The following FGF12 variants were observed in gnomAD, a reference collection of about 807,000 sequenced individuals.
FGF12 encodes the protein fibroblast growth factor 12B.
FGF12 carries 14 observed loss-of-function variants against 23.6 expected under a neutral mutation model. That is an observed-to-expected ratio of 0.59 (90% CI 0.39 to 0.93). The LOEUF (loss-of-function observed/expected upper bound fraction) is 0.93. FGF12 is among the 40% of genes least tolerant of loss of function. The pLI, the probability that FGF12 is intolerant of heterozygous loss-of-function variation, is 0.00. For synonymous variants in FGF12, 62 were observed against 77.3 expected (o/e 0.80, Z 1.04); for missense variants, 175 against 217.8 (o/e 0.80, Z 1.24).
chr3:192,452,680 T>C (rs369627649), intron 2 of FGF12, among the ~76,000 whole-genome samples: 7 of 152,214 alleles, frequency 4.6e-5, no homozygotes, highest in African/African-American at 1.7e-4. Context: ...TCTGGAGTTG[T>C]TCAGTGCACA....
intron 2 of FGF12, among the ~76,000 whole-genome samples, chr3:192,708,878 G>T (rs1371291845): frequency 6.6e-6 from 1 of 152,138 alleles, no homozygotes; most frequent in Non-Finnish European, 1.5e-5. Flanking sequence ...AATGAGTAAT[G>T]TAATTATTGT....
At chr3:192,685,053 T>C (rs534095576) in intron 2 of FGF12, among the ~76,000 whole-genome samples, 42 of 152,246 alleles carry the variant, frequency 2.8e-4, no homozygotes, top group African/African-American at 9.4e-4. Flanking sequence ...ATTACAAAGT[T>C]AGTATCTTTT....
In FGF12 at chr3:192,545,765, T is replaced by C. The variant is rs73058522; in HGVS notation, c.13+181416A>G. 9.7e-3 allele frequency among the ~76,000 whole-genome samples: 1,479 copies of C among 152,318 alleles called. 17 individuals are homozygous for C. The highest frequency in any genetic ancestry group is 0.028 in the African/African-American group (1,179 of 41,562). On this transcript the variant is annotated intron_variant, in intron 2 of 5. Coordinates refer to ENST00000445105, the MANE Select transcript of FGF12 (RefSeq NM_004113.6). ...ACTCAATATTAAAAAATATTCTCTT[T>C]CTCAAATCCATCCACAGTTGGAATT...
intron 2 of FGF12, among the ~76,000 whole-genome samples, chr3:192,449,270 T>C (rs1722451582): frequency 6.6e-6 from 1 of 152,110 alleles, no homozygotes; most frequent in South Asian, 2.1e-4. Flanking sequence ...CTGCTTCCAG[T>C]TTACTTCTAT....
At position 192,457,357 on chromosome 3, in the gene FGF12, A is replaced by G. The variant is rs149773453; in HGVS notation, c.14-96819T>C. On this transcript the variant is annotated intron_variant, in intron 2 of 5. Transcript: ENST00000445105. ...GTAGGGTTCAGAAGAAGACAGGAAA[A>G]TGTGGAAAAGTTTGGAACCTCCTAG... Among the ~76,000 whole-genome samples, 1,070 of 152,308 alleles carry G rather than the reference A, an allele frequency of 7.0e-3. 11 individuals carry two copies. The highest frequency in any genetic ancestry group is 0.025 in the African/African-American group (1,044 of 41,572).
intron 2 of FGF12, among the ~76,000 whole-genome samples, chr3:192,533,315 G>A (rs996241130): frequency 1.3e-5 from 2 of 152,126 alleles, no homozygotes; most frequent in African/African-American, 4.8e-5. Context: ...AGCTGGGGCC[G>A]AGTGAGTTTT....
chr3:192,428,619 G>T (rs1376339029), intron 2 of FGF12, among the ~76,000 whole-genome samples: 2 of 152,188 alleles, frequency 1.3e-5, no homozygotes, highest in Non-Finnish European at 2.9e-5. Context: ...TGCTTCGGAA[G>T]ATGGTAGAAG....
intron 5 of FGF12, among the ~76,000 whole-genome samples, chr3:192,158,572 C>CTT (rs1347524927): frequency 2.0e-5 from 2 of 98,428 alleles, no homozygotes; most frequent in African/African-American, 1.1e-4. Context: ...CCCTTTCTTT[C>CTT]TCTTTCTTTC....
intron 2 of FGF12, among the ~76,000 whole-genome samples, chr3:192,624,188 C>T (rs968437918): frequency 4.6e-5 from 7 of 151,416 alleles, no homozygotes; most frequent in Non-Finnish European, 5.9e-5. Context: ...GCGGAACAAT[C>T]TCTTAGATAA....
chr3:192,354,698 T>C (rs1014725705), intron 3 of FGF12, among the ~76,000 whole-genome samples: 1 of 152,160 alleles, frequency 6.6e-6, no homozygotes, highest in African/African-American at 2.4e-5. Flanking sequence ...GTTTTTTGTT[T>C]GCTTGTTTGT....
chr3:192,282,383 A>C (rs1714198135), intron 4 of FGF12, among the ~76,000 whole-genome samples: 1 of 152,164 alleles, frequency 6.6e-6, no homozygotes, highest in Non-Finnish European at 1.5e-5. Flanking sequence ...ATGCCCCCTT[A>C]TTACTCTAGT....
chr3:192,304,130 TA>T (rs1715491447), intron 4 of FGF12, among the ~76,000 whole-genome samples: 1 of 152,176 alleles, frequency 6.6e-6, no homozygotes, highest in South Asian at 2.1e-4. Context: ...GAGGTGTTGC[TA>T]AATTGGAGAC....
chr3:192,539,661 CAT>C (rs1409923570), intron 2 of FGF12, among the ~76,000 whole-genome samples: 1 of 152,066 alleles, frequency 6.6e-6, no homozygotes, highest in Non-Finnish European at 1.5e-5. Context: ...ATACTGGCCT[CAT>C]ATGATAAGTT....
chr3:192,627,851 CATGT>C (rs1468300256), intron 2 of FGF12, among the ~76,000 whole-genome samples: 2 of 123,356 alleles, frequency 1.6e-5, no homozygotes, highest in African/African-American at 5.4e-5. Flanking sequence ...TGTGTGTGTG[CATGT>C]GTGTGTGTGT....
intron 5 of FGF12, among the ~76,000 whole-genome samples, chr3:192,170,181 G>C (rs1222303984): frequency 1.4e-5 from 2 of 144,964 alleles, no homozygotes; most frequent in African/African-American, 5.2e-5. Context: ...TACTACGGAG[G>C]CTGAGGCAGG....
chr3:192,546,538 C>A (rs1173557501), intron 2 of FGF12, among the ~76,000 whole-genome samples: 1 of 150,766 alleles, frequency 6.6e-6, no homozygotes, highest in African/African-American at 2.4e-5. Flanking sequence ...ACCAAAACCA[C>A]AACTGGAGAA....
At chr3:192,576,873 G>C (rs1287031348) in intron 2 of FGF12, among the ~76,000 whole-genome samples, 1 of 152,158 alleles carries the variant, frequency 6.6e-6, no homozygotes. Flanking sequence ...ATACTATGCA[G>C]CCATAAAAAA....
intron 4 of FGF12, among the ~76,000 whole-genome samples, chr3:192,301,222 G>A (rs1577333527): frequency 6.6e-6 from 1 of 152,266 alleles, no homozygotes; most frequent in Non-Finnish European, 1.5e-5. Context: ...AAGACTAGGT[G>A]AAGATAAACG....
chr3:192,155,286 C>T (rs1018566361), intron 5 of FGF12, among the ~76,000 whole-genome samples: 10 of 152,198 alleles, frequency 6.6e-5, no homozygotes, highest in Non-Finnish European at 1.5e-4. Flanking sequence ...GCATTGCTCA[C>T]GCTGGGAGCT....
Sources: allele counts gnomAD v4.1 joint callset (sites outside exome capture counted in the v4.1 genomes callset), GRCh38; gene constraint gnomAD v4.1.1; transcripts MANE v1.5; gene names NCBI Gene and HGNC (gene_info 2026-07-23, HGNC 2026-07-21).